The following CNTN5 variants were observed in gnomAD, a reference collection of about 807,000 sequenced individuals.
CNTN5 encodes the protein contactin-5.
A neutral mutation model predicts 129.1 loss-of-function variants in CNTN5; 77 were observed. The ratio of observed to expected loss-of-function variants is 0.60; its 90% confidence interval spans 0.50 to 0.72. CNTN5 has a LOEUF of 0.72. Ranked by LOEUF, CNTN5 falls within the 30% of genes least tolerant of loss-of-function variation. The probability of loss-of-function intolerance (pLI) is 0.00; values close to 1 mark genes in which losing one functional copy is unlikely to be tolerated. For synonymous variants in CNTN5, 509 were observed against 465.6 expected, an observed-to-expected ratio of 1.09 and a Z score of -1.20; for missense variants, 1,478 against 1,328.8, an observed-to-expected ratio of 1.11 and a Z score of -1.75.
chr11:100,357,658 T>A lies in CNTN5; in HGVS notation c.*1438T>A, dbSNP rs1952554425. The A allele has an allele frequency of 1.3e-5, 2 of 151,388 alleles. No individual in the cohort carries two copies. Among genetic ancestry groups the A allele is most frequent in the Non-Finnish European group, 3.0e-5 (2 of 67,750 alleles). 9.4% of individuals were successfully genotyped at this position (151,388 alleles called of 1,614,324 possible). ...GGCGATGTTAACAAGAGAACAAAAA[T>A]TGGTTTTATAATTTTATATAATTTA... On this transcript the variant is annotated 3_prime_UTR_variant, in exon 25 of 25. Coordinates refer to ENST00000524871, the MANE Select transcript of CNTN5 (RefSeq NM_014361.4).
intron 8 of CNTN5, among the ~76,000 whole-genome samples, chr11:99,963,002 G>C (rs1198759587): frequency 6.6e-6 from 1 of 152,010 alleles, no homozygotes; most frequent in Non-Finnish European, 1.5e-5. Flanking sequence ...TTTTGATGGG[G>C]TTGTTTGTTT....
chr11:99,541,912 A>T (rs1948122242), intron 2 of CNTN5, among the ~76,000 whole-genome samples: 1 of 143,880 alleles, frequency 7.0e-6, no homozygotes. Context: ...AGGTGTGATC[A>T]TGCCATTGCA....
chr11:99,817,098 T>A (rs113973647), intron 3 of CNTN5, among the ~76,000 whole-genome samples: 6 of 152,328 alleles, frequency 3.9e-5, no homozygotes, highest in African/African-American at 1.4e-4. Flanking sequence ...ACTAACATTG[T>A]ATGAATACTG....
At chr11:100,249,020 G>C (rs1949907559) in intron 16 of CNTN5, among the ~76,000 whole-genome samples, 1 of 152,028 alleles carries the variant, frequency 6.6e-6, no homozygotes, top group African/African-American at 2.4e-5. Context: ...TGTTTCTGAG[G>C]GAGGAATTTT....
rs547885296 is a variant in CNTN5 at position 100,303,674 on chromosome 11, G to A, written c.2620+4278G>A. Among the ~76,000 whole-genome samples, 4 of 151,594 alleles carry A rather than the reference G, an allele frequency of 2.6e-5. No individual in the cohort carries two copies. In the East Asian group the frequency reaches 7.8e-4, roughly 30 times the overall value. On this transcript the variant is annotated intron_variant, in intron 20 of 24. Coordinates refer to ENST00000524871, the MANE Select transcript of CNTN5 (RefSeq NM_014361.4). Reference sequence around the variant, plus strand: ...AAACCTAAAAAGCCTGTCCTCATTTGCAGAATATAATAGACAATTATCTCA... The same window carrying A: ...AAACCTAAAAAGCCTGTCCTCATTTACAGAATATAATAGACAATTATCTCA...
chr11:99,352,649 T>C (rs1033381307), intron 2 of CNTN5, among the ~76,000 whole-genome samples: 3 of 152,148 alleles, frequency 2.0e-5, no homozygotes, highest in Admixed American at 2.0e-4. Flanking sequence ...TCTGTGTAGA[T>C]AGATATTCAG....
intron 3 of CNTN5, among the ~76,000 whole-genome samples, chr11:99,691,062 T>A (rs1291209799): frequency 6.6e-6 from 1 of 152,118 alleles, no homozygotes; most frequent in African/African-American, 2.4e-5. Flanking sequence ...TTTATAATAG[T>A]CTCTGATGAC....
chr11:100,117,135 A>C (rs536340135), intron 13 of CNTN5, among the ~76,000 whole-genome samples: 58 of 152,122 alleles, frequency 3.8e-4, no homozygotes, highest in African/African-American at 1.4e-3. Context: ...TGGCAAAAGG[A>C]CCTACTGTCT....
chr11:99,256,696 A>G (rs1181059495), intron 1 of CNTN5, among the ~76,000 whole-genome samples: 1 of 152,068 alleles, frequency 6.6e-6, no homozygotes, highest in Non-Finnish European at 1.5e-5. Flanking sequence ...AGTGGCTTCT[A>G]TTAAACTTAG....
chr11:100,028,906 A>T (rs1274214267), intron 9 of CNTN5, among the ~76,000 whole-genome samples: 2 of 152,148 alleles, frequency 1.3e-5, no homozygotes, highest in African/African-American at 4.8e-5. Context: ...GATTTTACTT[A>T]CTAGGTCTAG....
intron 12 of CNTN5, among the ~76,000 whole-genome samples, chr11:100,072,538 T>C (rs1466373281): frequency 6.6e-6 from 1 of 152,170 alleles, no homozygotes; most frequent in Non-Finnish European, 1.5e-5. Context: ...TCAGGGATGT[T>C]TGTAATGTAA....
chr11:99,117,497 TATA>T (rs1858098634), intron 1 of CNTN5, among the ~76,000 whole-genome samples: 2 of 152,154 alleles, frequency 1.3e-5, no homozygotes, highest in African/African-American at 4.8e-5. Context: ...TGTGCAATAT[TATA>T]ATGTGAAATT....
intron 23 of CNTN5, among the ~76,000 whole-genome samples, chr11:100,344,993 A>C (rs1286431974): frequency 6.6e-6 from 1 of 152,186 alleles, no homozygotes; most frequent in East Asian, 1.9e-4. Context: ...AAGTAATTGT[A>C]ATCTTGAAAA....
At chr11:100,082,625 G>C (rs1944407968) in intron 13 of CNTN5, among the ~76,000 whole-genome samples, 1 of 151,994 alleles carries the variant, frequency 6.6e-6, no homozygotes, top group Non-Finnish European at 1.5e-5. Flanking sequence ...TTTTTGATGA[G>C]TACTTAAGGA....
intron 2 of CNTN5, among the ~76,000 whole-genome samples, chr11:99,388,982 CTTATTTTATTTTATTTTATT>C (rs527528323): frequency 1.4e-3 from 170 of 120,428 alleles, no homozygotes; most frequent in African/African-American, 3.8e-3. Context: ...TTCTCCAGTC[CTTATTTTATTTTATTTTATT>C]TTATTTTATT....
chr11:99,788,054 C>G (rs1945600361), intron 3 of CNTN5, among the ~76,000 whole-genome samples: 1 of 151,942 alleles, frequency 6.6e-6, no homozygotes. Flanking sequence ...TGGCACCCCT[C>G]ACATTCATGA....
chr11:99,677,343 A>G (rs1401394039), intron 3 of CNTN5, among the ~76,000 whole-genome samples: 1 of 152,144 alleles, frequency 6.6e-6, no homozygotes, highest in Non-Finnish European at 1.5e-5. Context: ...TATTATAGCC[A>G]TCTGAGATAA....
At chr11:99,045,494 G>T (rs1442586537) in intron 1 of CNTN5, among the ~76,000 whole-genome samples, 1 of 152,126 alleles carries the variant, frequency 6.6e-6, no homozygotes, top group African/African-American at 2.4e-5. Flanking sequence ...TAATATAGTT[G>T]TATCTGTATG....
chr11:99,789,637 T>A (rs183860672), intron 3 of CNTN5, among the ~76,000 whole-genome samples: 3 of 152,140 alleles, frequency 2.0e-5, no homozygotes, highest in Non-Finnish European at 4.4e-5. Flanking sequence ...TGTTATTGTA[T>A]TTTAGAATAT....
Sources: gnomAD v4.1 joint callset for allele counts (sites outside exome capture counted in the v4.1 genomes callset) on GRCh38, gnomAD v4.1.1 for gene constraint, MANE v1.5 for transcripts, NCBI Gene and HGNC (gene_info 2026-07-23, HGNC 2026-07-21) for gene names.